SLC6A13: variants seen among roughly 807,000 people sequenced by gnomAD.
SLC6A13 encodes the protein solute carrier family 6 member 13.
SLC6A13 carries 69 observed loss-of-function variants against 72.9 expected under a neutral mutation model. The ratio of observed to expected loss-of-function variants is 0.95; its 90% CI spans 0.78 to 1.16. The LOEUF (loss-of-function observed/expected upper bound fraction) is 1.16, where lower values mean the gene tolerates loss of function less well. SLC6A13 is among the 50% of genes most tolerant of loss of function. The pLI is 0.00. For missense variants in SLC6A13, 735 were observed against 760.5 expected, an observed-to-expected ratio of 0.97 and a Z score of 0.39; for synonymous variants, 303 against 303.0, an observed-to-expected ratio of 1.00 and a Z score of 0.00.
intron 2 of SLC6A13, 73 bp from the exon 3 acceptor site, chr12:243,886 ACCAAC>A (rs926130363): frequency 7.0e-7 from 1 of 1,421,922 alleles, no homozygotes; most frequent in Non-Finnish European, 9.7e-7. Context: ...TCCTCCCATT[ACCAAC>A]CCATACTGCC....
chr12:221,982 C>T (rs530456862), intron 13 of SLC6A13, among the ~76,000 whole-genome samples: 21 of 152,216 alleles, frequency 1.4e-4, no homozygotes, highest in Admixed American at 7.2e-4. Context: ...AAGGAAGCTG[C>T]GCGTTGTGGT....
intron 7 of SLC6A13, among the ~76,000 whole-genome samples, chr12:229,100 C>T (rs915720650): frequency 1.5e-4 from 23 of 152,184 alleles, no homozygotes; most frequent in African/African-American, 5.5e-4. Flanking sequence ...GCAGGAGGTG[C>T]CACCAGGGAC....
At position 224,120 on chromosome 12, in the gene SLC6A13, C is replaced by T. The variant is rs770455180; in HGVS notation, c.1183G>A (p.Val395Ile). The change falls in exon 11 of 15, where the codon GTA becomes ATA. Residue 395 changes from valine (V) to isoleucine (I), a missense_variant. Physicochemically the swap from Val to Ile is conservative, Grantham distance 29. Transcript: ENST00000343164. ...LLGLDSQFVC[V>I]ESLVTALVDM... is the part of the protein sequence containing the mutation. ...ACCAGCGCTGTCACCAGGCTTTCTACACACACAAACTGGATGACAGGGCAA... is the reference window on the plus strand; with the variant it reads ...ACCAGCGCTGTCACCAGGCTTTCTATACACACAAACTGGATGACAGGGCAA... The T allele has an allele frequency of 6.1e-5, 99 of 1,614,058 alleles. No individual in the cohort carries two copies. Among genetic ancestry groups the T allele is most frequent in the Non-Finnish European group, 8.2e-5 (97 of 1,180,032 alleles).
At chr12:228,737 A>G (rs965669771) in intron 7 of SLC6A13, among the ~76,000 whole-genome samples, 1 of 151,910 alleles carries the variant, frequency 6.6e-6, no homozygotes, top group Admixed American at 6.6e-5. Context: ...AAGTGGCCAC[A>G]TTTCTCAGCA....
chr12:240,964 G>A (rs773878227), intron 4 of SLC6A13, among the ~76,000 whole-genome samples: 20 of 152,144 alleles, frequency 1.3e-4, no homozygotes, highest in Non-Finnish European at 2.4e-4. Context: ...ATGCTTTTCC[G>A]GGCAAGTAAA....
At chr12:247,786 A>G (rs1942404986) in intron 2 of SLC6A13, among the ~76,000 whole-genome samples, 2 of 152,182 alleles carry the variant, frequency 1.3e-5, no homozygotes, top group African/African-American at 2.4e-5. Flanking sequence ...TGATTTTATA[A>G]CATATAAAAA....
At chr12:250,834 A>C (rs200573466) in intron 2 of SLC6A13, among the ~76,000 whole-genome samples, 2,299 of 98,724 alleles carry the variant, frequency 0.023, 80 homozygotes, top group East Asian at 0.23. Flanking sequence ...ATAGCCCCCC[A>C]AAAAAAAAAA....
rs116143665 is a variant in SLC6A13, at chr12:240,969, A to G, written c.478+1645T>C. Among the ~76,000 whole-genome samples the G allele has an allele frequency of 2.9e-3, 437 of 152,338 alleles. 2 individuals are homozygous for G. Among genetic ancestry groups the G allele is most frequent in the African/African-American group, 9.8e-3 (408 of 41,582 alleles). On this transcript the variant is annotated intron_variant, in intron 4 of 14. Coordinates refer to ENST00000343164, the MANE Select transcript of SLC6A13 (RefSeq NM_016615.5). The stretch of plus-strand genomic sequence containing the variant: ...CCGTGCAAAAATGCTTTTCCGGGCA[A>G]GTAAAGGATTCAAACTCCAGTTCAG...
At chr12:221,579 G>T in intron 13 of SLC6A13, 33 bp from the exon 14 acceptor site, 1 of 1,446,142 alleles carries the variant, frequency 6.9e-7, no homozygotes, top group Non-Finnish European at 9.4e-7. Flanking sequence ...AAGGGGTTGG[G>T]GGGCGGGGGC....
rs1012636433 is a variant in SLC6A13, at chr12:254,772, G to C, written c.202+5079C>G. Among the ~76,000 whole-genome samples, 2 of 152,170 alleles carry C rather than the reference G, an allele frequency of 1.3e-5. No individual in the cohort carries two copies. The highest frequency in any genetic ancestry group is 1.3e-4 in the Admixed American group (2 of 15,272). ...CCCCAAACTCACATTCTATTGCCCA[G>C]TTGCCATTTCCACATGGACATCTGA... On this transcript the variant is annotated intron_variant, in intron 2 of 14. Coordinates refer to ENST00000343164, the MANE Select transcript of SLC6A13 (RefSeq NM_016615.5). The surrounding 1 kb of genome is among the most constrained non-coding windows in gnomAD (Gnocchi z 4.4).
At chr12:233,683 G>C (rs1941809508) in intron 7 of SLC6A13, among the ~76,000 whole-genome samples, 1 of 152,152 alleles carries the variant, frequency 6.6e-6, no homozygotes, top group African/African-American at 2.4e-5. Flanking sequence ...AGCGGGTGGG[G>C]AGAGGAGGGG....
intron 4 of SLC6A13, among the ~76,000 whole-genome samples, chr12:240,432 T>C (rs916620659): frequency 3.9e-5 from 6 of 152,242 alleles, no homozygotes; most frequent in Non-Finnish European, 8.8e-5. Context: ...CTCAAACTCC[T>C]GAGCTGAGGC....
At chr12:235,005 G>A (rs1179948664) in intron 7 of SLC6A13, 85 bp downstream of exon 7, 131 of 1,515,658 alleles carry the variant, frequency 8.6e-5, no homozygotes, top group South Asian at 2.3e-4. Context: ...TGCTAGGTGC[G>A]GGGGTTCCCC....
At chr12:237,334 C>A in intron 5 of SLC6A13, 44 bp from the exon 6 acceptor site, 1 of 1,608,608 alleles carries the variant, frequency 6.2e-7, no homozygotes. Context: ...TTCTGCCAGC[C>A]TCAGTTTTGT....
Position 221,074 on chromosome 12 carries a change from C to T in SLC6A13, c.1687-4G>A, listed in dbSNP as rs111745426. On this transcript the variant is annotated splice_region_variant and splice_polypyrimidine_tract_variant and intron_variant, in intron 14 of 14. Transcript: ENST00000343164. Reference sequence around the variant, plus strand: ...GGCACATGAGCTGACGGATTCTCTGCGGGGATAGCAGAGGTGGCTGTCAGG... The same window carrying T: ...GGCACATGAGCTGACGGATTCTCTGTGGGGATAGCAGAGGTGGCTGTCAGG... 102 of 1,595,134 alleles carry T rather than the reference C, an allele frequency of 6.4e-5. No individual in the cohort carries two copies. Among genetic ancestry groups the T allele is most frequent in the African/African-American group, 5.2e-4 (39 of 74,696 alleles).
chr12:239,973 T>C (rs1397319017), intron 4 of SLC6A13, among the ~76,000 whole-genome samples: 1 of 152,106 alleles, frequency 6.6e-6, no homozygotes, highest in African/African-American at 2.4e-5. Context: ...CTCAGAATTG[T>C]CCCAGAGACC....
intron 11 of SLC6A13, chr12:223,700 G>T: frequency 2.6e-6 from 1 of 391,256 alleles, no homozygotes; most frequent in Non-Finnish European, 4.7e-6. Flanking sequence ...GAAATCACCA[G>T]ATCTTGCTGG....
chr12:241,849 T>C (rs1942177776), intron 4 of SLC6A13, among the ~76,000 whole-genome samples: 1 of 152,256 alleles, frequency 6.6e-6, no homozygotes, highest in Non-Finnish European at 1.5e-5. Flanking sequence ...ATGCAGCACA[T>C]AGCAACGCTT....
chr12:226,445 G>A lies in SLC6A13; in HGVS notation c.1005C>T (p.Ile335=), dbSNP rs745825710. The change falls in exon 9 of 15, where the codon ATC becomes ATT. Residue 335 remains isoleucine, a synonymous_variant. Coordinates refer to ENST00000343164, the MANE Select transcript of SLC6A13 (RefSeq NM_016615.5). ...CCTGCTCCTGAGACATGAAGCCCAG[G>A]ATGGAGAAGATGGCAAAGCCGGCCA... ...SFVAGFAIFS[I]LGFMSQEQGV... 1.3e-5 allele frequency: 21 copies of A among 1,614,002 alleles called. No individual in the cohort carries two copies. Among genetic ancestry groups the A allele is most frequent in the Non-Finnish European group, 1.2e-5 (14 of 1,179,968 alleles).
Sources: gnomAD v4.1 joint callset for allele counts (sites outside exome capture counted in the v4.1 genomes callset) on GRCh38, gnomAD v4.1.1 for gene constraint, Gnocchi (gnomAD v3.1) non-coding constraint, MANE v1.5 for transcripts, NCBI Gene and HGNC (gene_info 2026-07-23, HGNC 2026-07-21) for gene names.